Variants in ARMH3 observed in about 807,000 individuals in gnomAD.
ARMH3 encodes armadillo like helical domain containing 3, also known as armadillo-like helical domain-containing protein 3.
In ARMH3, 60 loss-of-function variants were observed where a neutral mutation model predicts 99.1. The ratio of observed to expected loss-of-function variants is 0.61; its 90% CI spans 0.49 to 0.75. ARMH3 has a LOEUF of 0.75. ARMH3 is among the 30% of genes least tolerant of loss of function. ARMH3 has a pLI of 0.00. For missense variants in ARMH3, 679 were observed against 843.1 expected (o/e 0.81, Z 2.41); for synonymous variants, 285 against 292.8 (o/e 0.97, Z 0.27).
In ARMH3 at chr10:101,936,168, T is replaced by C. The variant is rs993122511; in HGVS notation, c.1781+3695A>G. On this transcript the variant is annotated intron_variant, in intron 23 of 25. Coordinates refer to ENST00000370033, the MANE Select transcript of ARMH3 (RefSeq NM_024541.3). Reference sequence around the variant, plus strand: ...CCTACCAAGGAAAGCAAAACACCTTTCAAGGTTAAGGTAATATCTTAACTT... The same window carrying C: ...CCTACCAAGGAAAGCAAAACACCTTCCAAGGTTAAGGTAATATCTTAACTT... Among the ~76,000 whole-genome samples, 17 of 152,262 alleles carry C rather than the reference T, an allele frequency of 1.1e-4. No individual in the cohort carries two copies. In the East Asian group the frequency reaches 3.3e-3, roughly 29 times the overall value.
At chr10:102,052,248 C>T (rs1251900512) in intron 1 of ARMH3, among the ~76,000 whole-genome samples, 1 of 151,954 alleles carries the variant, frequency 6.6e-6, no homozygotes, top group Admixed American at 6.6e-5. Context: ...CACCGAAAGA[C>T]AGTCTCCCTC....
At chr10:101,991,813 A>G (rs1341205723) in intron 18 of ARMH3, among the ~76,000 whole-genome samples, 156 bp downstream of exon 18, 3 of 152,214 alleles carry the variant, frequency 2.0e-5, no homozygotes, top group Non-Finnish European at 4.4e-5. Flanking sequence ...TTGCTTTACC[A>G]AACACAACAA....
chr10:102,010,154 A>G, intron 11 of ARMH3, 131 bp from the exon 12 acceptor site: 1 of 717,680 alleles, frequency 1.4e-6, no homozygotes, highest in Non-Finnish European at 2.4e-6. Context: ...TCTAGGCCAT[A>G]AGTCACACAC....
intron 19 of ARMH3, among the ~76,000 whole-genome samples, chr10:101,982,705 T>C (rs1223198704): frequency 1.3e-5 from 2 of 152,054 alleles, no homozygotes; most frequent in Non-Finnish European, 2.9e-5. Context: ...ACAAACCCTA[T>C]TGTGAACTGC....
At chr10:101,901,710 C>T (rs1261480360) in intron 23 of ARMH3, among the ~76,000 whole-genome samples, 1 of 151,982 alleles carries the variant, frequency 6.6e-6, no homozygotes, top group Non-Finnish European at 1.5e-5. Flanking sequence ...GGGTTGGCTA[C>T]AGAAGGGAGG....
At chr10:101,920,334 G>A (rs570152951) in intron 23 of ARMH3, among the ~76,000 whole-genome samples, 174 of 152,304 alleles carry the variant, frequency 1.1e-3, no homozygotes, top group Non-Finnish European at 1.5e-3. Context: ...CTATAAAACA[G>A]TTTGTCCAGA....
At chr10:102,011,852 G>A (rs1298231628) in intron 10 of ARMH3, 69 bp from the exon 11 acceptor site, 2 of 1,310,410 alleles carry the variant, frequency 1.5e-6, no homozygotes, top group Non-Finnish European at 1.1e-6. Flanking sequence ...TGACATTTGG[G>A]GTAATCAGGG....
intron 24 of ARMH3, among the ~76,000 whole-genome samples, chr10:101,883,845 T>C (rs118158196): frequency 0.028 from 4,196 of 151,974 alleles, 107 homozygotes; most frequent in Middle Eastern, 0.048. Flanking sequence ...TTTAAAAAAT[T>C]AGCCAGGCAT....
At chr10:101,947,193 A>T (rs188826631) in intron 22 of ARMH3, among the ~76,000 whole-genome samples, 2 of 151,544 alleles carry the variant, frequency 1.3e-5, no homozygotes, top group East Asian at 1.9e-4. Context: ...TCTCAAAAAT[A>T]AAAAAAAAGA....
At chr10:102,027,757 T>C (rs1451767406) in intron 5 of ARMH3, among the ~76,000 whole-genome samples, 1 of 152,032 alleles carries the variant, frequency 6.6e-6, no homozygotes, top group African/African-American at 2.4e-5. Flanking sequence ...AAGGCCAGAA[T>C]TTAAAAATAA....
At chr10:101,943,199 T>C (rs114474326) in intron 22 of ARMH3, among the ~76,000 whole-genome samples, 43 of 152,252 alleles carry the variant, frequency 2.8e-4, no homozygotes, top group African/African-American at 8.7e-4. Flanking sequence ...AGGAGGGAGT[T>C]TGACAGACAG....
At chr10:101,857,194 A>G (rs2066755385) in intron 24 of ARMH3, among the ~76,000 whole-genome samples, 1 of 152,196 alleles carries the variant, frequency 6.6e-6, no homozygotes, top group South Asian at 2.1e-4. Context: ...GCAGTGGCTC[A>G]TATCTGTAAT....
chr10:101,895,268 C>T (rs946851748), intron 23 of ARMH3, among the ~76,000 whole-genome samples: 3 of 150,604 alleles, frequency 2.0e-5, no homozygotes, highest in East Asian at 1.9e-4. Context: ...GGTCTAAAAA[C>T]GATAAAATTC....
At chr10:101,935,437 A>T (rs1227643534) in intron 23 of ARMH3, among the ~76,000 whole-genome samples, 1 of 152,140 alleles carries the variant, frequency 6.6e-6, no homozygotes. Context: ...CACTTGAGCA[A>T]ATTTATGCTC....
At chr10:102,052,053 G>C (rs2067720329) in intron 1 of ARMH3, among the ~76,000 whole-genome samples, 2 of 152,136 alleles carry the variant, frequency 1.3e-5, no homozygotes, top group Admixed American at 1.3e-4. Flanking sequence ...ATGAGCAGGA[G>C]ATTCCTGTAA....
chr10:102,021,201 T>G (rs1314885777), intron 8 of ARMH3, among the ~76,000 whole-genome samples: 1 of 146,952 alleles, frequency 6.8e-6, no homozygotes, highest in Non-Finnish European at 1.5e-5. Flanking sequence ...CTCAGCCTCC[T>G]GAGTAGCTGA....
intron 1 of ARMH3, among the ~76,000 whole-genome samples, chr10:102,042,492 C>T (rs1302179014): frequency 6.6e-6 from 1 of 152,190 alleles, no homozygotes; most frequent in Non-Finnish European, 1.5e-5. Flanking sequence ...TCCAAACTAC[C>T]AAATTTCCTA....
chr10:101,991,396 T>C (rs898546292), intron 18 of ARMH3, among the ~76,000 whole-genome samples: 3 of 149,186 alleles, frequency 2.0e-5, no homozygotes, highest in Admixed American at 1.3e-4. Flanking sequence ...TTTGAAATCT[T>C]TTTTTTTTTT....
chr10:101,870,464 T>C (rs2067107423), intron 24 of ARMH3, among the ~76,000 whole-genome samples: 1 of 152,226 alleles, frequency 6.6e-6, no homozygotes, highest in Admixed American at 6.5e-5. Context: ...CTATGGGTTA[T>C]ACATGTGATA....
Sources: allele counts gnomAD v4.1 joint callset (sites outside exome capture counted in the v4.1 genomes callset), GRCh38; gene constraint gnomAD v4.1.1; transcripts MANE v1.5; gene names NCBI Gene and HGNC (gene_info 2026-07-23, HGNC 2026-07-21).